Variants in RECK observed in about 807,000 individuals in gnomAD.
RECK encodes the protein reversion inducing cysteine rich protein with kazal motifs.
Under a neutral mutation model 115.1 loss-of-function variants are expected in RECK, and 69 were observed. The observed-to-expected ratio is 0.60, with a 90% confidence interval of 0.49 to 0.73. The LOEUF (loss-of-function observed/expected upper bound fraction) is 0.73. Ranked by LOEUF, RECK falls within the 30% of genes least tolerant of loss-of-function variation. RECK has a pLI of 0.00. For synonymous variants in RECK, 414 were observed against 419.7 expected, an observed-to-expected ratio of 0.99 and a Z score of 0.17; for missense variants, 1,047 against 1,203.7, an observed-to-expected ratio of 0.87 and a Z score of 1.93.
At chr9:36,065,019 A>G (rs1356288909) in intron 5 of RECK, among the ~76,000 whole-genome samples, 1 of 152,136 alleles carries the variant, frequency 6.6e-6, no homozygotes, top group Non-Finnish European at 1.5e-5. Context: ...AGGGGTTAGT[A>G]TCTTCTTTAT....
rs1288187854 is a variant in RECK at position 36,091,290 on chromosome 9, A to G, written c.1032A>G (p.Glu344=). The G allele has an allele frequency of 6.2e-7, 1 of 1,606,258 alleles. No homozygotes were observed. Among genetic ancestry groups the G allele is most frequent in the Non-Finnish European group, 8.5e-7 (1 of 1,177,300 alleles). Residue 344 remains glutamate, a synonymous_variant, in exon 10 of 21, where the codon GAA becomes GAG. Transcript: ENST00000377966. ...SMLTCLADVR[E]PCQLGCRNLT... Reference sequence around the variant, plus strand: ...TGACCTGTTTAGCGGATGTCCGGGAACCTTGCCAGTTGGGCTGTAGAAACC... The same window carrying G: ...TGACCTGTTTAGCGGATGTCCGGGAGCCTTGCCAGTTGGGCTGTAGAAACC...
chr9:36,104,292 G>GTGTGCA (rs34438663), intron 12 of RECK, among the ~76,000 whole-genome samples: 28 of 43,890 alleles, frequency 6.4e-4, no homozygotes, highest in East Asian at 8.0e-4. Flanking sequence ...GTGTGTGTGT[G>GTGTGCA]TATATATATA....
rs1822462007 is a variant in RECK at position 36,076,660 on chromosome 9, G to A, written c.406-3945G>A. Among the ~76,000 whole-genome samples, 3 of 152,102 alleles carry A rather than the reference G, an allele frequency of 2.0e-5. No homozygotes were observed. In the South Asian group the frequency reaches 6.2e-4, roughly 32 times the overall value. On this transcript the variant is annotated intron_variant, in intron 6 of 20. Coordinates refer to ENST00000377966, the MANE Select transcript of RECK (RefSeq NM_021111.3). ...TTCAGGAATTTAATCGCGAGAGTAG[G>A]GCAGGGAACTAGTTATTGAGAGCAG...
At chr9:36,059,557 T>C (rs1821676495) in intron 3 of RECK, among the ~76,000 whole-genome samples, 1 of 152,242 alleles carries the variant, frequency 6.6e-6, no homozygotes, top group Admixed American at 6.5e-5. Context: ...TATTTTGATT[T>C]TGGAAAATTG....
chr9:36,067,817 T>G (rs576879923), intron 6 of RECK, among the ~76,000 whole-genome samples: 8 of 152,090 alleles, frequency 5.3e-5, no homozygotes, highest in South Asian at 4.2e-4. Context: ...CTCAGGGAAA[T>G]AAGAAAGCAG....
chr9:36,047,825 A>G (rs1258863501), intron 1 of RECK, among the ~76,000 whole-genome samples: 1 of 150,320 alleles, frequency 6.7e-6, no homozygotes, highest in Non-Finnish European at 1.5e-5. Context: ...AAAAAAAAAA[A>G]AGGCTAGCTA....
chr9:36,119,060 AC>A, intron 18 of RECK, 93 bp downstream of exon 18: 1 of 1,271,748 alleles, frequency 7.9e-7, no homozygotes, highest in Non-Finnish European at 1.1e-6. Context: ...GAGCTCATTT[AC>A]GTTTTTCAGA....
chr9:36,053,691 A>G lies in RECK; in HGVS notation c.159+1368A>G, dbSNP rs182870431. 5.3e-5 allele frequency among the ~76,000 whole-genome samples: 8 copies of G among 152,210 alleles called. No individual in the cohort carries two copies. The East Asian group carries it at 1.5e-3, about 29-fold the overall frequency. ...TTTCACTTTGTTTCTTGCTTTTTCTACTGATGTTCTATAGGGTGAATGATT... is the reference window on the plus strand; with the variant it reads ...TTTCACTTTGTTTCTTGCTTTTTCTGCTGATGTTCTATAGGGTGAATGATT... On this transcript the variant is annotated intron_variant, in intron 2 of 20. Transcript: ENST00000377966.
chr9:36,087,425 A>C (rs1256174378), intron 8 of RECK, among the ~76,000 whole-genome samples: 3 of 152,184 alleles, frequency 2.0e-5, no homozygotes, highest in Non-Finnish European at 4.4e-5. Flanking sequence ...CTCACTCATA[A>C]GTGGGAGTTG....
At position 36,105,192 on chromosome 9, in the gene RECK, C is replaced by T; in HGVS notation, c.1485C>T (p.Asn495=). 6.2e-7 allele frequency: 1 copy of T among 1,614,064 alleles called. No homozygotes were observed. Among genetic ancestry groups the T allele is most frequent in the South Asian group, 1.1e-5 (1 of 91,070 alleles). The change falls in exon 13 of 21, where the codon AAC becomes AAT. Residue 495 remains asparagine, a synonymous_variant. Coordinates refer to ENST00000377966, the MANE Select transcript of RECK (RefSeq NM_021111.3). ...NIVEEVTHPC[N]PNPCPANELC... ...TAGAAGAAGTGACTCATCCCTGTAA[C>T]CCAAATCCTTGCCCTGCCAATGAGC...
At chr9:36,092,998 G>A (rs1423108073) in intron 10 of RECK, among the ~76,000 whole-genome samples, 1 of 152,126 alleles carries the variant, frequency 6.6e-6, no homozygotes, top group Non-Finnish European at 1.5e-5. Flanking sequence ...GGAACCCAGG[G>A]GAAGGTGAAC....
At position 36,122,863 on chromosome 9, in the gene RECK, C is replaced by T; in HGVS notation, c.2734C>T (p.Leu912Phe). 1.2e-6 allele frequency: 2 copies of T among 1,614,184 alleles called. No homozygotes were observed. Among genetic ancestry groups the T allele is most frequent in the Non-Finnish European group, 1.7e-6 (2 of 1,180,022 alleles). Residue 912 changes from leucine to phenylalanine, a missense_variant, in exon 21 of 21, where the codon CTT becomes TTT. Leu to Phe is a conservative substitution (Grantham distance 22). Coordinates refer to ENST00000377966, the MANE Select transcript of RECK (RefSeq NM_021111.3). ...CNKEAEKIES[L>F]INSDSPTLAS... ...TAAAGAAGCAGAGAAGATTGAGTCC[C>T]TTATCAACTCTGACAGCCCGACTTT...
intron 16 of RECK, among the ~76,000 whole-genome samples, chr9:36,113,446 T>A (rs1018063983): frequency 6.6e-6 from 1 of 152,204 alleles, no homozygotes; most frequent in African/African-American, 2.4e-5. Flanking sequence ...CAGGACGCAA[T>A]GCATAAGAAA....
intron 1 of RECK, among the ~76,000 whole-genome samples, chr9:36,048,126 A>AATATAT (rs56726335): frequency 0.044 from 5,103 of 114,868 alleles, 225 homozygotes; most frequent in African/African-American, 0.067. Context: ...ACACAGGTTG[A>AATATAT]ATATATATAT....
intron 10 of RECK, among the ~76,000 whole-genome samples, chr9:36,097,327 C>CAAAAAAAAAAAAAA (rs56837267): frequency 1.4e-5 from 1 of 69,634 alleles, no homozygotes; most frequent in African/African-American, 4.4e-5. Flanking sequence ...GACTCCATCT[C>CAAAAAAAAAAAAAA]AAAAAAAAAA....
chr9:36,091,348 G>A lies in RECK; in HGVS notation c.1085+5G>A. Reference sequence around the variant, plus strand: ...CTGTACTAATTTTAACAACAGGTAAGACAAATTATTATACATGGAATGGAA... The same window carrying A: ...CTGTACTAATTTTAACAACAGGTAAAACAAATTATTATACATGGAATGGAA... On this transcript the variant is annotated splice_donor_5th_base_variant and intron_variant, in intron 10 of 20. Coordinates refer to ENST00000377966, the MANE Select transcript of RECK (RefSeq NM_021111.3). 1 of 1,473,294 alleles carries A rather than the reference G, an allele frequency of 6.8e-7. No homozygotes were observed. The highest frequency in any genetic ancestry group is 9.0e-7 in the Non-Finnish European group (1 of 1,108,888). 91.3% of individuals were successfully genotyped at this position (1,473,294 alleles called of 1,614,324 possible).
chr9:36,036,959 G>A lies in RECK; in HGVS notation c.-40G>A. ...GCGGCAGCGGCTGCGGCCAAGCTGG[G>A]TCCGAGCATCCCGCGGCTCTGGAGC... is the stretch of plus-strand genomic sequence containing the variant. On this transcript the variant is annotated 5_prime_UTR_variant, in exon 1 of 21. Transcript: ENST00000377966. The A allele has an allele frequency of 5.2e-6, 7 of 1,345,104 alleles. No homozygotes were observed. Among genetic ancestry groups the A allele is most frequent in the Non-Finnish European group, 6.8e-6 (7 of 1,033,512 alleles). The allele number at this position is 1,345,104 out of a possible 1,614,324, so 83.3% of individuals were successfully genotyped here.
At chr9:36,065,260 C>T in intron 5 of RECK, among the ~76,000 whole-genome samples, 1 of 112,736 alleles carries the variant, frequency 8.9e-6, no homozygotes. Context: ...AAAAAATCCT[C>T]TGATTTACAA....
chr9:36,080,907 C>T (rs1010591486), intron 7 of RECK, among the ~76,000 whole-genome samples: 2 of 152,174 alleles, frequency 1.3e-5, no homozygotes, highest in Non-Finnish European at 2.9e-5. Context: ...CCGAGTGCTA[C>T]GTCTCAGTTC....
Sources: allele counts gnomAD v4.1 joint callset (sites outside exome capture counted in the v4.1 genomes callset), GRCh38; gene constraint gnomAD v4.1.1; transcripts MANE v1.5; gene names NCBI Gene and HGNC (gene_info 2026-07-23, HGNC 2026-07-21).